The following CNTNAP3B variants were observed in gnomAD, a reference collection of about 807,000 sequenced individuals.
CNTNAP3B encodes the protein contactin associated protein family member 3B.
A neutral mutation model predicts 108.9 loss-of-function variants in CNTNAP3B; 25 were observed. The observed-to-expected ratio is 0.23, with a 90% CI of 0.17 to 0.32. CNTNAP3B has a LOEUF of 0.32. Ranked by LOEUF, CNTNAP3B falls within the 10% of genes least tolerant of loss-of-function variation. The pLI is 1.00. For missense variants in CNTNAP3B, 252 were observed against 1,210.4 expected (o/e 0.21, Z 11.75); for synonymous variants, 103 against 473.4 (o/e 0.22, Z 10.16).
At chr9:42,063,770 G>C (rs1262013017) in intron 3 of CNTNAP3B, among the ~76,000 whole-genome samples, 1 of 142,632 alleles carries the variant, frequency 7.0e-6, no homozygotes, top group East Asian at 2.1e-4. Context: ...TAGCCAGGCT[G>C]GAGTGCAATA....
intron 13 of CNTNAP3B, among the ~76,000 whole-genome samples, chr9:41,942,197 C>T (rs1156814680): frequency 3.1e-3 from 469 of 152,118 alleles, no homozygotes; most frequent in East Asian, 7.2e-3. Flanking sequence ...TGCTTCTGGC[C>T]GGGCGCGGTG....
At chr9:42,019,648 C>A (rs1184332284) in intron 3 of CNTNAP3B, among the ~76,000 whole-genome samples, 1 of 149,366 alleles carries the variant, frequency 6.7e-6, no homozygotes, top group African/African-American at 2.5e-5. Context: ...GTAGTCCCAG[C>A]TACTCAGGAG....
rs1377803838 is a variant in CNTNAP3B, at chr9:42,109,964, C to T, written c.86-5225G>A. On this transcript the variant is annotated intron_variant, in intron 1 of 23. Coordinates refer to ENST00000377561, the MANE Select transcript of CNTNAP3B (RefSeq NM_001201380.3). ...CCACAAGGTGAGGCACACGGGCAAC[C>T]ACAGGAAGCCGGAAGAAACGAAGAA... 1.2e-4 allele frequency among the ~76,000 whole-genome samples: 17 copies of T among 138,612 alleles called. 3 individuals carry two copies. Among genetic ancestry groups the T allele is most frequent in the African/African-American group, 4.6e-4 (16 of 34,834 alleles). The allele number at this position is 138,612 out of a possible 152,430, so 90.9% of individuals were successfully genotyped here.
At chr9:41,941,285 T>A (rs1398359544) in intron 13 of CNTNAP3B, among the ~76,000 whole-genome samples, 2 of 144,086 alleles carry the variant, frequency 1.4e-5, no homozygotes, top group East Asian at 4.0e-4. Flanking sequence ...GAAAAAAAAA[T>A]AACACAACGA....
chr9:41,949,861 A>G, intron 13 of CNTNAP3B, among the ~76,000 whole-genome samples: 1 of 152,160 alleles, frequency 6.6e-6, no homozygotes, highest in South Asian at 2.1e-4. Context: ...AACCCATAAA[A>G]GGAAAATATG....
chr9:41,915,963 T>C (rs1823506705), intron 18 of CNTNAP3B, among the ~76,000 whole-genome samples: 1 of 151,628 alleles, frequency 6.6e-6, no homozygotes, highest in Non-Finnish European at 1.5e-5. Context: ...ACTAACTTAA[T>C]ACAAGTGAGA....
At chr9:42,024,636 A>C (rs1288717191) in intron 3 of CNTNAP3B, among the ~76,000 whole-genome samples, 2 of 128,590 alleles carry the variant, frequency 1.6e-5, no homozygotes, top group African/African-American at 6.0e-5. Context: ...AAAAGGTCAG[A>C]AGAAATTACA....
In CNTNAP3B at chr9:42,096,745, G is replaced by C. The variant is rs530701183; in HGVS notation, c.196+7884C>G. Among the ~76,000 whole-genome samples, 71 of 111,702 alleles carry C rather than the reference G, an allele frequency of 6.4e-4. 3 individuals are homozygous for C. Among genetic ancestry groups the C allele is most frequent in the African/African-American group, 2.5e-3 (68 of 27,618 alleles). The allele number at this position is 111,702 out of a possible 152,430, so 73.3% of individuals were successfully genotyped here. A position where few individuals can be genotyped will look rare whatever the true frequency, so the allele number is the denominator to read the frequency against. On this transcript the variant is annotated intron_variant, in intron 2 of 23. Coordinates refer to ENST00000377561, the MANE Select transcript of CNTNAP3B (RefSeq NM_001201380.3). ...TGACTTACGCCAGGACTCACAGAAT[G>C]ATTCATCCCTACATGAAAAAGTATT... is the stretch of plus-strand genomic sequence containing the variant.
At chr9:41,939,105 G>A (rs1168570355) in intron 13 of CNTNAP3B, among the ~76,000 whole-genome samples, 1 of 152,292 alleles carries the variant, frequency 6.6e-6, no homozygotes, top group Non-Finnish European at 1.5e-5. Flanking sequence ...CTATAGAACT[G>A]CATATTAGGA....
At chr9:42,066,281 A>G (rs1306804899) in intron 3 of CNTNAP3B, among the ~76,000 whole-genome samples, 3 of 130,908 alleles carry the variant, frequency 2.3e-5, no homozygotes, top group Admixed American at 7.7e-5. Context: ...CCTGCCTGCC[A>G]GTGGTATTTT....
intron 4 of CNTNAP3B, among the ~76,000 whole-genome samples, chr9:42,004,266 T>TG (rs1392480814): frequency 1.5e-5 from 1 of 64,828 alleles, no homozygotes; most frequent in Non-Finnish European, 3.1e-5. Context: ...ATCGTGTATG[T>TG]GTTCTTTTGT....
At chr9:42,096,468 G>T (rs1181743400) in intron 2 of CNTNAP3B, among the ~76,000 whole-genome samples, 1 of 138,518 alleles carries the variant, frequency 7.2e-6, no homozygotes, top group African/African-American at 2.9e-5. Flanking sequence ...TTGGTTCACA[G>T]TCTCTGCAAT....
In CNTNAP3B at chr9:42,075,045, C is replaced by A. The variant is rs1265195989; in HGVS notation, c.390+1824G>T. 2.7e-5 allele frequency among the ~76,000 whole-genome samples: 4 copies of A among 145,796 alleles called. No individual in the cohort carries two copies. The East Asian group carries it at 8.1e-4, about 29-fold the overall frequency. On this transcript the variant is annotated intron_variant, in intron 3 of 23. Transcript: ENST00000377561. ...GATCTGTTCTATGCCCATCTCCTAG[C>A]TGCTGGTGCCTCCGGTGTTCTGTGG... is the stretch of plus-strand genomic sequence containing the variant.
At chr9:41,921,139 G>A (rs1301783003) in intron 17 of CNTNAP3B, among the ~76,000 whole-genome samples, 4 of 152,310 alleles carry the variant, frequency 2.6e-5, no homozygotes, top group African/African-American at 9.6e-5. Flanking sequence ...CTATCAATCA[G>A]CTTTGTGGGT....
At chr9:42,081,698 T>TAATC (rs1272085757) in intron 2 of CNTNAP3B, among the ~76,000 whole-genome samples, 3 of 66,110 alleles carry the variant, frequency 4.5e-5, no homozygotes, top group African/African-American at 2.2e-4. Context: ...TGGTTATAAA[T>TAATC]AATCTGGCAG....
Position 42,117,179 on chromosome 9 carries a change from T to C in CNTNAP3B, c.85+11831A>G, listed in dbSNP as rs549659645. Reference sequence around the variant, plus strand: ...TCAGCTCTGCACCAAGCAGACCTAATAGACATCTACAGAACTCTCCACCCC... The same window carrying C: ...TCAGCTCTGCACCAAGCAGACCTAACAGACATCTACAGAACTCTCCACCCC... On this transcript the variant is annotated intron_variant, in intron 1 of 23. Transcript: ENST00000377561. Among the ~76,000 whole-genome samples, 527 of 136,148 alleles carry C rather than the reference T, an allele frequency of 3.9e-3. 50 individuals carry two copies. Among genetic ancestry groups the C allele is most frequent in the South Asian group, 0.013 (53 of 4,172 alleles). The allele number at this position is 136,148 out of a possible 152,430, so 89.3% of individuals were successfully genotyped here. A position where few individuals can be genotyped will look rare whatever the true frequency, so the allele number is the denominator to read the frequency against.
chr9:41,959,576 T>G (rs1336567556), intron 12 of CNTNAP3B, among the ~76,000 whole-genome samples: 1 of 152,308 alleles, frequency 6.6e-6, no homozygotes, highest in Non-Finnish European at 1.5e-5. Context: ...ATGGGATTTC[T>G]CACTTTGCTT....
At chr9:42,021,691 A>G (rs1185287940) in intron 3 of CNTNAP3B, among the ~76,000 whole-genome samples, 3 of 96,072 alleles carry the variant, frequency 3.1e-5, no homozygotes, top group East Asian at 6.6e-4. Flanking sequence ...GTATGAGATA[A>G]TAAGACTTGC....
chr9:41,968,890 G>A (rs1199637218), intron 10 of CNTNAP3B, among the ~76,000 whole-genome samples: 13 of 151,528 alleles, frequency 8.6e-5, no homozygotes, highest in Admixed American at 2.0e-4. Flanking sequence ...TCCGCCTCCC[G>A]GGTTCACGCC....
Sources: gnomAD v4.1 joint callset for allele counts (sites outside exome capture counted in the v4.1 genomes callset) on GRCh38, gnomAD v4.1.1 for gene constraint, MANE v1.5 for transcripts, NCBI Gene and HGNC (gene_info 2026-07-23, HGNC 2026-07-21) for gene names.